The following EFHC1 variants were observed in gnomAD, a reference collection of about 807,000 sequenced individuals.
The protein encoded by EFHC1 is EF-hand domain-containing protein 1.
In EFHC1, 53 loss-of-function variants were observed where a neutral mutation model predicts 69.9. That is an observed-to-expected ratio of 0.76 (90% CI 0.61 to 0.95). The LOEUF (loss-of-function observed/expected upper bound fraction) is 0.95, where lower values mean the gene tolerates loss of function less well. EFHC1 is among the 40% of genes least tolerant of loss of function. The probability of loss-of-function intolerance (pLI) is 0.00; values close to 1 mark genes in which losing one functional copy is unlikely to be tolerated. For synonymous variants in EFHC1, 256 were observed against 278.4 expected, an observed-to-expected ratio of 0.92 and a Z score of 0.80; for missense variants, 739 against 798.7, an observed-to-expected ratio of 0.93 and a Z score of 0.90.
At chr6:52,447,202 T>C (rs2113987901) in intron 3 of EFHC1, among the ~76,000 whole-genome samples, 1 of 152,378 alleles carries the variant, frequency 6.6e-6, no homozygotes, top group Non-Finnish European at 1.5e-5. Context: ...GGTACACCAG[T>C]CAGACGTAGA....
At chr6:52,440,588 A>T (rs1764640511) in intron 3 of EFHC1, among the ~76,000 whole-genome samples, 2 of 152,120 alleles carry the variant, frequency 1.3e-5, no homozygotes, top group Non-Finnish European at 2.9e-5. Context: ...TAGTGCTGCG[A>T]TGAACATACT....
intron 7 of EFHC1, among the ~76,000 whole-genome samples, chr6:52,472,927 A>G (rs1228021775): frequency 2.0e-5 from 3 of 152,222 alleles, no homozygotes; most frequent in Admixed American, 6.5e-5. Context: ...GAAGGGATAT[A>G]CCATGTTCAT....
chr6:52,490,307 G>T lies in EFHC1; in HGVS notation c.1808G>T (p.Cys603Phe), dbSNP rs772553100. 4.3e-6 allele frequency: 7 copies of T among 1,614,038 alleles called. No homozygotes were observed. In the African/African-American group the frequency reaches 8.0e-5, roughly 18 times the overall value. Residue 603 changes from cysteine (C) to phenylalanine (F), a missense_variant, in exon 10 of 11, where the codon TGT (cysteine) becomes TTT (phenylalanine). Physicochemically the swap from Cys to Phe is radical, Grantham distance 205. Transcript: ENST00000371068. ...YVDRDMFFKI[C>F]ESLNVPVDDS... ...GACAGAGACATGTTCTTTAAAATCT[G>T]TGAATCGCTTAACGTCCCAGTGGAT...
intron 5 of EFHC1, among the ~76,000 whole-genome samples, chr6:52,461,166 C>G (rs1190739844): frequency 6.6e-6 from 1 of 151,884 alleles, no homozygotes; most frequent in East Asian, 1.9e-4. Context: ...ATTTTGTCTC[C>G]CAGGTATTAA....
chr6:52,466,200 T>G (rs920475100), intron 6 of EFHC1, among the ~76,000 whole-genome samples: 5 of 152,178 alleles, frequency 3.3e-5, no homozygotes, highest in Admixed American at 3.3e-4. Flanking sequence ...GGGCCCTTTC[T>G]CCTCAAAAGA....
At chr6:52,453,308 AT>A in intron 4 of EFHC1, 1 of 1,287,350 alleles carries the variant, frequency 7.8e-7, no homozygotes, top group South Asian at 1.2e-5. Context: ...TGTTATATTA[AT>A]ATTGGAGTCC....
intron 2 of EFHC1, among the ~76,000 whole-genome samples, chr6:52,425,151 C>T (rs1197242287): frequency 6.6e-6 from 1 of 152,148 alleles, no homozygotes; most frequent in Non-Finnish European, 1.5e-5. Flanking sequence ...ATTTCCTCTT[C>T]CCCACTTAAC....
chr6:52,437,289 T>A lies in EFHC1; in HGVS notation c.286-1015T>A, dbSNP rs1764555478. ...CCAAAAATCGCAATCTTATCCAAGA[T>A]TTTTTACTCTTCCCAGAAGTTCTGG... On this transcript the variant is annotated intron_variant, in intron 2 of 10. Coordinates refer to ENST00000371068, the MANE Select transcript of EFHC1 (RefSeq NM_018100.4). Among the ~76,000 whole-genome samples, 2 of 152,184 alleles carry A rather than the reference T, an allele frequency of 1.3e-5. 1 individual carries two copies. The highest frequency in any genetic ancestry group is 4.1e-4 in the South Asian group (2 of 4,832).
chr6:52,464,915 C>G lies in EFHC1; in HGVS notation c.937C>G (p.Leu313Val), dbSNP rs561675569. 1.2e-6 allele frequency: 2 copies of G among 1,614,024 alleles called. No individual in the cohort carries two copies. The highest frequency in any genetic ancestry group is 2.7e-5 in the African/African-American group (2 of 75,040). Reference sequence around the variant, plus strand: ...ATTAGAGAACTTCCCTCAGTGTGTGCTAGAAATCTCTGACCAAGAAGTGTT... The same window carrying G: ...ATTAGAGAACTTCCCTCAGTGTGTGGTAGAAATCTCTGACCAAGAAGTGTT... The part of the protein sequence containing the change: ...ENAKNFPQCV[L>V]EISDQEVLEW... Residue 313 changes from leucine (L) to valine (V), a missense_variant, in exon 6 of 11, where the codon CTA becomes GTA. Transcript: ENST00000371068.
At chr6:52,461,820 A>T (rs536323836) in intron 5 of EFHC1, among the ~76,000 whole-genome samples, 1 of 152,198 alleles carries the variant, frequency 6.6e-6, no homozygotes, top group Non-Finnish European at 1.5e-5. Flanking sequence ...ACAAAAAGAC[A>T]TTTGGGCAAA....
intron 5 of EFHC1, among the ~76,000 whole-genome samples, chr6:52,459,391 T>C (rs983098685): frequency 3.9e-5 from 6 of 152,054 alleles, no homozygotes; most frequent in East Asian, 1.9e-4. Flanking sequence ...AAATAAAAAA[T>C]AGGTAAAGGA....
chr6:52,423,731 C>T lies in EFHC1; in HGVS notation c.64-215C>T, dbSNP rs574151398. 6.1e-5 allele frequency: 56 copies of T among 913,386 alleles called. 1 individual carries two copies. The South Asian group carries it at 8.8e-4, about 14-fold the overall frequency. 56.6% of individuals were successfully genotyped at this position (913,386 alleles called of 1,614,324 possible). On this transcript the variant is annotated intron_variant, in intron 1 of 10. Coordinates refer to ENST00000371068, the MANE Select transcript of EFHC1 (RefSeq NM_018100.4). ...TTGTTGCCCAGGCTGGTCTCGAACT[C>T]TGGGGCTGAAGTGATTCTCCCTCTT... is the stretch of plus-strand genomic sequence containing the variant.
intron 2 of EFHC1, among the ~76,000 whole-genome samples, chr6:52,434,028 C>T (rs756893788): frequency 2.0e-5 from 3 of 151,868 alleles, no homozygotes; most frequent in African/African-American, 4.8e-5. Context: ...CCCACTGTCC[C>T]GCCCCTCTCC....
In EFHC1 at chr6:52,494,016, T is replaced by G. The variant is rs763167447; in HGVS notation, c.*1675T>G. On this transcript the variant is annotated 3_prime_UTR_variant, in exon 11 of 11. Transcript: ENST00000371068. ...ATGTTGATTCCTTTTCTGTTCCAGG[T>G]TATTATCTTGGGAATAACCCATGTT... 3 of 454,076 alleles carry G rather than the reference T, an allele frequency of 6.6e-6. No homozygotes were observed. The highest frequency in any genetic ancestry group is 4.7e-5 in the South Asian group (3 of 64,468). The allele number at this position is 454,076 out of a possible 1,614,324, so 28.1% of individuals were successfully genotyped here.
intron 2 of EFHC1, among the ~76,000 whole-genome samples, chr6:52,424,630 T>C (rs979066619): frequency 8.5e-5 from 13 of 152,266 alleles, no homozygotes; most frequent in African/African-American, 2.9e-4. Context: ...GAACATTTCA[T>C]GTTTGATATT....
chr6:52,493,433 A>T lies in EFHC1; in HGVS notation c.*1092A>T, dbSNP rs942808438. ...CACACACGCTTATATGTATACATAT[A>T]GTATGTATATGTGTATATATATTAT... On this transcript the variant is annotated 3_prime_UTR_variant, in exon 11 of 11. Coordinates refer to ENST00000371068, the MANE Select transcript of EFHC1 (RefSeq NM_018100.4). 2.7e-6 allele frequency: 1 copy of T among 377,044 alleles called. No homozygotes were observed. Among genetic ancestry groups the T allele is most frequent in the East Asian group, 7.4e-5 (1 of 13,568 alleles). 23.4% of individuals were successfully genotyped at this position (377,044 alleles called of 1,614,324 possible). A position where few individuals can be genotyped will look rare whatever the true frequency, so the allele number is the denominator to read the frequency against.
chr6:52,491,480 T>C (rs1033605845), intron 10 of EFHC1, among the ~76,000 whole-genome samples: 44 of 152,312 alleles, frequency 2.9e-4, no homozygotes, highest in South Asian at 1.4e-3. Context: ...ATTTAAAAAG[T>C]CTTACTCCTC....
At chr6:52,462,452 TAAAG>T (rs1297364103) in intron 5 of EFHC1, among the ~76,000 whole-genome samples, 4 of 151,710 alleles carry the variant, frequency 2.6e-5, no homozygotes, top group East Asian at 3.9e-4. Flanking sequence ...AGGCTGAAAA[TAAAG>T]AAATTGAAAA....
chr6:52,477,502 C>A (rs1205819177), intron 7 of EFHC1, among the ~76,000 whole-genome samples: 1 of 151,776 alleles, frequency 6.6e-6, no homozygotes, highest in Non-Finnish European at 1.5e-5. Context: ...GATCACTCTG[C>A]AATTTGATTT....
Sources: allele counts gnomAD v4.1 joint callset (sites outside exome capture counted in the v4.1 genomes callset), GRCh38; gene constraint gnomAD v4.1.1; transcripts MANE v1.5; gene names NCBI Gene and HGNC (gene_info 2026-07-23, HGNC 2026-07-21).